JMY: variants seen among roughly 807,000 people sequenced by gnomAD.
JMY encodes junction mediating and regulatory protein, p53 cofactor.
A neutral mutation model predicts 103.3 loss-of-function variants in JMY; 46 were observed. That is an observed-to-expected ratio of 0.45 (90% CI 0.35 to 0.57). The LOEUF (loss-of-function observed/expected upper bound fraction) is 0.57. Ranked by LOEUF, JMY falls within the 20% of genes least tolerant of loss-of-function variation. The pLI is 0.00. For synonymous variants in JMY, 526 were observed against 489.3 expected (o/e 1.07, Z -0.99); for missense variants, 1,238 against 1,255.2 (o/e 0.99, Z 0.21).
chr5:79,298,740 C>T (rs912808744), intron 4 of JMY, among the ~76,000 whole-genome samples: 5 of 152,308 alleles, frequency 3.3e-5, no homozygotes, highest in Middle Eastern at 3.4e-3. Context: ...TACAACTGCA[C>T]GTTTAGACTG....
intron 4 of JMY, among the ~76,000 whole-genome samples, chr5:79,298,123 G>C (rs944055429): frequency 3.9e-5 from 6 of 152,158 alleles, no homozygotes; most frequent in African/African-American, 1.4e-4. Context: ...GAAGAACTTA[G>C]CAGAGCATCA....
At chr5:79,312,134 T>C (rs1747065944) in intron 7 of JMY, among the ~76,000 whole-genome samples, 1 of 152,172 alleles carries the variant, frequency 6.6e-6, no homozygotes, top group African/African-American at 2.4e-5. Flanking sequence ...GATTTTATTT[T>C]TTAAAGTCAT....
intron 1 of JMY, among the ~76,000 whole-genome samples, chr5:79,273,467 G>T (rs1385716458): frequency 6.6e-6 from 1 of 152,130 alleles, no homozygotes; most frequent in Non-Finnish European, 1.5e-5. Flanking sequence ...AGTTCCAGTA[G>T]TTTGACTATA....
intron 7 of JMY, among the ~76,000 whole-genome samples, chr5:79,311,236 T>C (rs4704555): frequency 0.5 from 74,657 of 150,482 alleles, 18,888 homozygotes; most frequent in Non-Finnish European, 0.57. Flanking sequence ...TCCTCCTGCC[T>C]CAGCCTCCCA....
chr5:79,289,870 T>A (rs1322971773), intron 2 of JMY, among the ~76,000 whole-genome samples: 1 of 152,172 alleles, frequency 6.6e-6, no homozygotes, highest in East Asian at 1.9e-4. Flanking sequence ...CAATCAGTCT[T>A]AACATATTGG....
chr5:79,243,822 G>T (rs1251459874), intron 1 of JMY, among the ~76,000 whole-genome samples: 2 of 152,110 alleles, frequency 1.3e-5, no homozygotes, highest in Non-Finnish European at 2.9e-5. Context: ...CACTGAAAAA[G>T]ATGTAAGTAT....
chr5:79,294,343 G>A (rs1375045654), intron 4 of JMY, among the ~76,000 whole-genome samples: 5 of 152,184 alleles, frequency 3.3e-5, no homozygotes, highest in Non-Finnish European at 5.9e-5. Flanking sequence ...GGCAGAGGCT[G>A]CAGTGAGCCG....
chr5:79,314,893 C>T lies in JMY; in HGVS notation c.2659+42C>T, dbSNP rs769389599. ...TCATGGTCCATCTGTTGTATGACAT[C>T]AGGCATAGTAAAAAACTATATTTTT... is the stretch of plus-strand genomic sequence containing the variant. On this transcript the variant is annotated intron_variant, in intron 9 of 10. Coordinates refer to ENST00000396137, the MANE Select transcript of JMY (RefSeq NM_152405.5). 6.7e-6 allele frequency: 10 copies of T among 1,485,504 alleles called. No homozygotes were observed. The South Asian group carries it at 1.1e-4, about 16-fold the overall frequency. 92.0% of individuals were successfully genotyped at this position (1,485,504 alleles called of 1,614,324 possible).
At chr5:79,309,507 C>T (rs1410042046) in intron 7 of JMY, among the ~76,000 whole-genome samples, 1 of 152,152 alleles carries the variant, frequency 6.6e-6, no homozygotes, top group African/African-American at 2.4e-5. Context: ...AATTAGTTAA[C>T]ACCAGTAATT....
At chr5:79,276,149 C>T (rs1488485800) in intron 1 of JMY, among the ~76,000 whole-genome samples, 2 of 152,104 alleles carry the variant, frequency 1.3e-5, no homozygotes, top group African/African-American at 4.8e-5. Context: ...GATGGAGTCT[C>T]ACTCTGTCAC....
chr5:79,274,901 CCTT>C (rs1406343440), intron 1 of JMY, among the ~76,000 whole-genome samples: 1 of 152,210 alleles, frequency 6.6e-6, no homozygotes, highest in African/African-American at 2.4e-5. Flanking sequence ...AACTCTACCT[CCTT>C]CACGGAAGGC....
At chr5:79,283,002 T>A (rs553584617) in intron 2 of JMY, among the ~76,000 whole-genome samples, 67 of 149,326 alleles carry the variant, frequency 4.5e-4, no homozygotes, top group Admixed American at 1.3e-3. Flanking sequence ...TAATAATAAT[T>A]ATTATTATTT....
Position 79,314,508 on chromosome 5 carries a change from T to G in JMY, c.2316T>G (p.Pro772=), listed in dbSNP as rs553417224. ...SLTQLEATSL[P]LSGVTSELPP... ...CACAACTTGAAGCCACCTCATTACC[T>G]CTCAGTGGTGTTACCTCTGAACTGC... Residue 772 remains proline (P), a synonymous_variant, in exon 9 of 11, where the codon CCT becomes CCG. Coordinates refer to ENST00000396137, the MANE Select transcript of JMY (RefSeq NM_152405.5). The G allele has an allele frequency of 2.5e-5, 41 of 1,614,010 alleles. No homozygotes were observed. In the South Asian group the frequency reaches 3.8e-4, roughly 15 times the overall value.
chr5:79,291,469 C>T (rs1039917999), intron 4 of JMY, among the ~76,000 whole-genome samples, 170 bp downstream of exon 4: 1 of 152,184 alleles, frequency 6.6e-6, no homozygotes, highest in Non-Finnish European at 1.5e-5. Flanking sequence ...AAGAGTTAGA[C>T]GTAGCGTATT....
At chr5:79,298,681 T>C (rs777302189) in intron 4 of JMY, among the ~76,000 whole-genome samples, 1 of 152,238 alleles carries the variant, frequency 6.6e-6, no homozygotes, top group Non-Finnish European at 1.5e-5. Context: ...AAAATATTCA[T>C]AAAACAAAGT....
chr5:79,301,855 G>A (rs1199100250), intron 6 of JMY, among the ~76,000 whole-genome samples: 1 of 152,164 alleles, frequency 6.6e-6, no homozygotes, highest in African/African-American at 2.4e-5. Flanking sequence ...GGGAGGCTGA[G>A]GTGGGTGGAT....
intron 10 of JMY, among the ~76,000 whole-genome samples, chr5:79,320,566 C>T (rs186485105): frequency 6.4e-4 from 97 of 152,260 alleles, no homozygotes; most frequent in Non-Finnish European, 1.1e-3. Flanking sequence ...CCTCCTCAGC[C>T]TCCCAAAGTG....
intron 1 of JMY, among the ~76,000 whole-genome samples, chr5:79,275,855 C>T (rs1312693903): frequency 6.6e-6 from 1 of 152,100 alleles, no homozygotes; most frequent in Non-Finnish European, 1.5e-5. Flanking sequence ...GTTAATAATA[C>T]AGTGCTGCTA....
At chr5:79,238,544 C>T (rs1744596150) in intron 1 of JMY, among the ~76,000 whole-genome samples, 1 of 152,164 alleles carries the variant, frequency 6.6e-6, no homozygotes, top group South Asian at 2.1e-4. Flanking sequence ...ACCCAGTTTT[C>T]CCTAATGGAT....
Sources: allele counts gnomAD v4.1 joint callset (sites outside exome capture counted in the v4.1 genomes callset), GRCh38; gene constraint gnomAD v4.1.1; transcripts MANE v1.5; gene names NCBI Gene and HGNC (gene_info 2026-07-23, HGNC 2026-07-21).